AGBL1: variants seen among roughly 807,000 people sequenced by gnomAD.
The protein encoded by AGBL1 is cytosolic carboxypeptidase 4.
In AGBL1, 130 loss-of-function variants were observed where a neutral mutation model predicts 118.9. The ratio of observed to expected loss-of-function variants is 1.09; its 90% confidence interval spans 0.95 to 1.26. AGBL1 has a LOEUF of 1.26. Ranked by LOEUF, AGBL1 falls within the 50% of genes most tolerant of loss-of-function variation. AGBL1 has a pLI of 0.00. For missense variants in AGBL1, 1,584 were observed against 1,298.1 expected, an observed-to-expected ratio of 1.22 and a Z score of -3.38; for synonymous variants, 555 against 478.9, an observed-to-expected ratio of 1.16 and a Z score of -2.08.
chr15:86,212,385 G>C (rs530029970), intron 5 of AGBL1, among the ~76,000 whole-genome samples: 1 of 152,196 alleles, frequency 6.6e-6, no homozygotes, highest in Non-Finnish European at 1.5e-5. Context: ...CTCAGGAAGC[G>C]GGGGAGCTGG....
chr15:86,731,072 C>G (rs545207653), intron 22 of AGBL1, among the ~76,000 whole-genome samples: 168 of 152,204 alleles, frequency 1.1e-3, no homozygotes, highest in African/African-American at 4.0e-3. Flanking sequence ...CTCAGGTGAT[C>G]CGCCCGTCTT....
At chr15:86,976,971 T>A (rs2081182449) in intron 23 of AGBL1, among the ~76,000 whole-genome samples, 2 of 152,000 alleles carry the variant, frequency 1.3e-5, no homozygotes, top group Admixed American at 6.6e-5. Context: ...ATGTTATATT[T>A]TCTGAATTTG....
At chr15:86,846,481 G>A (rs992315268) in intron 22 of AGBL1, among the ~76,000 whole-genome samples, 1 of 152,102 alleles carries the variant, frequency 6.6e-6, no homozygotes, top group Non-Finnish European at 1.5e-5. Flanking sequence ...GAGTTCCATT[G>A]TCTTACAGAT....
At chr15:86,409,794 A>G (rs533291680) in intron 18 of AGBL1, among the ~76,000 whole-genome samples, 6 of 152,146 alleles carry the variant, frequency 3.9e-5, no homozygotes, top group African/African-American at 9.6e-5. Flanking sequence ...GTTTTGTTCA[A>G]TGCTTTGCTC....
At position 86,577,459 on chromosome 15, in the gene AGBL1, T is replaced by C. The variant is rs184041722; in HGVS notation, c.2994+22922T>C. 9.8e-4 allele frequency among the ~76,000 whole-genome samples: 149 copies of C among 152,148 alleles called. 2 individuals carry two copies. The highest frequency in any genetic ancestry group is 8.9e-3 in the Admixed American group (136 of 15,304). ...ATTTGGAAAATTTTCAGCCTGACAA[T>C]GTGATAGAAAAGAAAATCTTATTTT... On this transcript the variant is annotated intron_variant, in intron 21 of 22. Transcript: ENST00000614907.
intron 1 of AGBL1, among the ~76,000 whole-genome samples, chr15:86,112,220 A>T (rs1897432543): frequency 6.6e-6 from 1 of 152,120 alleles, no homozygotes; most frequent in Non-Finnish European, 1.5e-5. Flanking sequence ...TCATGAAAAA[A>T]TTGTCTTCCA....
At chr15:86,356,335 C>CGTGTGTGTGTGTGTGT (rs55955604) in intron 17 of AGBL1, among the ~76,000 whole-genome samples, 7 of 150,042 alleles carry the variant, frequency 4.7e-5, no homozygotes, top group African/African-American at 1.5e-4. Flanking sequence ...CGAAGATAGA[C>CGTGTGTGTGTGTGTGT]GTGTGTGTGT....
At chr15:86,237,162 T>C (rs1400179549) in intron 6 of AGBL1, among the ~76,000 whole-genome samples, 2 of 152,146 alleles carry the variant, frequency 1.3e-5, no homozygotes, top group Non-Finnish European at 2.9e-5. Flanking sequence ...GGACCCTCTT[T>C]CCTCTGTATC....
intron 24 of AGBL1, among the ~76,000 whole-genome samples, chr15:87,000,890 CT>C (rs1285154407): frequency 1.4e-5 from 2 of 144,786 alleles, no homozygotes; most frequent in East Asian, 4.0e-4. Context: ...TGTTTGTATC[CT>C]CTTTTATTTC....
At chr15:86,794,447 G>A (rs1397563887) in intron 22 of AGBL1, among the ~76,000 whole-genome samples, 1 of 152,114 alleles carries the variant, frequency 6.6e-6, no homozygotes, top group East Asian at 1.9e-4. Context: ...GGGGCTAGCT[G>A]AAAGAGGCAA....
At chr15:86,610,501 A>T (rs1467747309) in intron 21 of AGBL1, among the ~76,000 whole-genome samples, 1 of 152,210 alleles carries the variant, frequency 6.6e-6, no homozygotes, top group African/African-American at 2.4e-5. Context: ...CAGCTAAAAA[A>T]GTCAGCCTGG....
intron 22 of AGBL1, among the ~76,000 whole-genome samples, chr15:86,757,846 T>C (rs2077964273): frequency 6.6e-6 from 1 of 152,100 alleles, no homozygotes; most frequent in African/African-American, 2.4e-5. Context: ...TCTTTAACCA[T>C]AGTAGAACAA....
chr15:86,924,591 A>G (rs2080512106), intron 23 of AGBL1, among the ~76,000 whole-genome samples: 1 of 152,208 alleles, frequency 6.6e-6, no homozygotes, highest in Non-Finnish European at 1.5e-5. Flanking sequence ...GAAAGACGAC[A>G]GCTCTGAAAC....
intron 17 of AGBL1, among the ~76,000 whole-genome samples, chr15:86,392,347 A>T (rs946495563): frequency 6.6e-6 from 1 of 152,126 alleles, no homozygotes; most frequent in Admixed American, 6.6e-5. Context: ...TGTTTAAGTC[A>T]TTTACAGTTG....
At position 86,565,045 on chromosome 15, in the gene AGBL1, G is replaced by A. The variant is rs575108269; in HGVS notation, c.2994+10508G>A. Among the ~76,000 whole-genome samples, 163 of 152,182 alleles carry A rather than the reference G, an allele frequency of 1.1e-3. 1 individual carries two copies. The highest frequency in any genetic ancestry group is 3.7e-3 in the African/African-American group (155 of 41,532). ...TTAGCCATTTGTTTAATCTGTTTTC[G>A]AGGTTTTTAGCTTCTTTGCGATGGG... On this transcript the variant is annotated intron_variant, in intron 21 of 22. Coordinates refer to ENST00000614907, the MANE Select transcript of AGBL1 (RefSeq NM_001386094.1).
At chr15:86,752,123 C>A (rs907533398) in intron 22 of AGBL1, among the ~76,000 whole-genome samples, 1 of 151,970 alleles carries the variant, frequency 6.6e-6, no homozygotes, top group East Asian at 1.9e-4. Flanking sequence ...GTTAATGTAC[C>A]ACAGGTGGAC....
At chr15:86,082,705 C>G (rs999328908) in intron 1 of AGBL1, among the ~76,000 whole-genome samples, 3 of 152,196 alleles carry the variant, frequency 2.0e-5, no homozygotes, top group African/African-American at 7.2e-5. Context: ...GTTTTCCCTA[C>G]CACAACTTGA....
chr15:86,856,885 G>A (rs907120072), intron 22 of AGBL1, among the ~76,000 whole-genome samples: 1 of 152,214 alleles, frequency 6.6e-6, no homozygotes, highest in African/African-American at 2.4e-5. Flanking sequence ...TGAGCTCCAA[G>A]TGGTGAAGCT....
At chr15:86,920,641 A>G (rs566324390), downstream of AGBL1, among the ~76,000 whole-genome samples, 5 of 152,340 alleles carry the variant, frequency 3.3e-5, no homozygotes, top group South Asian at 1.0e-3. Flanking sequence ...TAAGCATTTT[A>G]TATACATTAA....
Sources: allele counts gnomAD v4.1 joint callset (sites outside exome capture counted in the v4.1 genomes callset), GRCh38; gene constraint gnomAD v4.1.1; transcripts MANE v1.5; gene names NCBI Gene and HGNC (gene_info 2026-07-23, HGNC 2026-07-21).